Variants in RAB1A observed in about 807,000 individuals in gnomAD.
RAB1A encodes ras-related protein Rab-1A.
In RAB1A, 2 loss-of-function variants were observed where a neutral mutation model predicts 26.0. The ratio of observed to expected loss-of-function variants is 0.08; its 90% CI spans 0.03 to 0.24. The LOEUF (loss-of-function observed/expected upper bound fraction) is 0.24, where lower values mean the gene tolerates loss of function less well. RAB1A is among the 10% of genes least tolerant of loss of function. RAB1A has a pLI of 1.00. For synonymous variants in RAB1A, 84 were observed against 84.9 expected (o/e 0.99, Z 0.06); for missense variants, 100 against 247.0 (o/e 0.40, Z 3.99).
chr2:65,095,545 G>A (rs28560213), intron 3 of RAB1A, among the ~76,000 whole-genome samples: 1 of 136,028 alleles, frequency 7.4e-6, no homozygotes, highest in Admixed American at 7.8e-5. Flanking sequence ...GGTAGAGATA[G>A]AGTCTCTATG....
At chr2:65,127,106 C>G (rs1279957456) in intron 1 of RAB1A, among the ~76,000 whole-genome samples, 2 of 152,102 alleles carry the variant, frequency 1.3e-5, no homozygotes, top group Non-Finnish European at 2.9e-5. Flanking sequence ...TGTATTTGAT[C>G]CCAGAAAAAA....
chr2:65,095,715 T>C (rs1229357330), intron 3 of RAB1A, among the ~76,000 whole-genome samples: 2 of 150,572 alleles, frequency 1.3e-5, no homozygotes, highest in Admixed American at 6.6e-5. Flanking sequence ...GTAAGCTTCT[T>C]AAAAATGTTC....
At chr2:65,120,455 CAAAAAAAA>C (rs67617654) in intron 1 of RAB1A, among the ~76,000 whole-genome samples, 7 of 56,654 alleles carry the variant, frequency 1.2e-4, no homozygotes, top group Non-Finnish European at 2.3e-4. Context: ...CACCTTGTCT[CAAAAAAAA>C]AAAAAAAAAA....
At chr2:65,121,165 T>C (rs1376500409) in intron 1 of RAB1A, among the ~76,000 whole-genome samples, 1 of 148,818 alleles carries the variant, frequency 6.7e-6, no homozygotes, top group African/African-American at 2.5e-5. Flanking sequence ...GTACAGGAGG[T>C]TGAGACTGCA....
At chr2:65,129,842 TC>T in intron 1 of RAB1A, 50 bp downstream of exon 1, 28 of 1,570,422 alleles carry the variant, frequency 1.8e-5, no homozygotes, top group Non-Finnish European at 2.4e-5. Context: ...CCCTTTAAGA[TC>T]CCCCAAGCTG....
At chr2:65,122,703 G>A (rs778121643) in intron 1 of RAB1A, among the ~76,000 whole-genome samples, 12 of 152,082 alleles carry the variant, frequency 7.9e-5, no homozygotes, top group East Asian at 1.9e-4. Context: ...CTGGCCAGAC[G>A]TGGTGGCTCA....
Position 65,129,922 on chromosome 2 carries a change from G to A in RAB1A, c.-7C>T, listed in dbSNP as rs1250601628. On this transcript the variant is annotated 5_prime_UTR_variant, in exon 1 of 6. Transcript: ENST00000409784. ...CGGGATTCATGCTGGACATGTCACTGCAGCTGCCGCCGCCGCCACCGCCGC... is the reference window on the plus strand; with the variant it reads ...CGGGATTCATGCTGGACATGTCACTACAGCTGCCGCCGCCGCCACCGCCGC... 6 of 1,587,750 alleles carry A rather than the reference G, an allele frequency of 3.8e-6. No individual in the cohort carries two copies. Among genetic ancestry groups the A allele is most frequent in the Non-Finnish European group, 5.1e-6 (6 of 1,168,796 alleles).
At chr2:65,094,935 G>C (rs1669248430) in intron 3 of RAB1A, among the ~76,000 whole-genome samples, 1 of 152,152 alleles carries the variant, frequency 6.6e-6, no homozygotes, top group African/African-American at 2.4e-5. Context: ...TGAAGGGCAG[G>C]CTTGCCAATA....
At chr2:65,105,788 A>T (rs147780900) in intron 1 of RAB1A, among the ~76,000 whole-genome samples, 3 of 151,120 alleles carry the variant, frequency 2.0e-5, no homozygotes, top group African/African-American at 7.3e-5. Context: ...TTTGAGACGG[A>T]GTCTTGCTCT....
chr2:65,120,314 G>A (rs891112115), intron 1 of RAB1A, among the ~76,000 whole-genome samples: 5 of 151,944 alleles, frequency 3.3e-5, no homozygotes, highest in African/African-American at 9.7e-5. Flanking sequence ...AAAATTAGCT[G>A]GGCGTGGTGG....
intron 2 of RAB1A, among the ~76,000 whole-genome samples, chr2:65,102,245 A>C (rs1382397265): frequency 6.6e-6 from 1 of 152,134 alleles, no homozygotes; most frequent in Non-Finnish European, 1.5e-5. Context: ...TAATAGTCAA[A>C]TTTAGCAGTG....
chr2:65,089,771 C>T (rs1669126898), intron 4 of RAB1A, among the ~76,000 whole-genome samples: 2 of 149,272 alleles, frequency 1.3e-5, no homozygotes, highest in South Asian at 2.1e-4. Context: ...GGCGCGATCT[C>T]GGCTCACTGC....
chr2:65,108,768 T>C (rs972513285), intron 1 of RAB1A, among the ~76,000 whole-genome samples: 1 of 152,130 alleles, frequency 6.6e-6, no homozygotes, highest in Non-Finnish European at 1.5e-5. Context: ...ATCACATCAT[T>C]GTACTTCAGC....
At chr2:65,121,056 G>T (rs1012576189) in intron 1 of RAB1A, among the ~76,000 whole-genome samples, 2 of 151,804 alleles carry the variant, frequency 1.3e-5, no homozygotes, top group African/African-American at 4.8e-5. Context: ...AGGTGTTCGA[G>T]ACCAGCATAG....
At chr2:65,092,616 T>A (rs954403816) in intron 3 of RAB1A, among the ~76,000 whole-genome samples, 2 of 152,166 alleles carry the variant, frequency 1.3e-5, no homozygotes, top group African/African-American at 2.4e-5. Flanking sequence ...TTACAGCTGA[T>A]TAAAGTAAGC....
intron 4 of RAB1A, among the ~76,000 whole-genome samples, chr2:65,089,322 C>CCCGCCT (rs1207191656): frequency 6.6e-6 from 1 of 152,130 alleles, no homozygotes; most frequent in Non-Finnish European, 1.5e-5. Context: ...AAGCCATCCT[C>CCCGCCT]CCGCCTCCGC....
chr2:65,110,438 C>CAAA (rs1221473890), intron 1 of RAB1A, among the ~76,000 whole-genome samples: 9 of 110,036 alleles, frequency 8.2e-5, no homozygotes, highest in African/African-American at 2.4e-4. Flanking sequence ...GAGACCGTCT[C>CAAA]AAAAAAAAAA....
At chr2:65,104,352 T>C (rs892722435) in intron 2 of RAB1A, among the ~76,000 whole-genome samples, 10 of 152,218 alleles carry the variant, frequency 6.6e-5, no homozygotes, top group Non-Finnish European at 1.5e-5. Flanking sequence ...CATGATCCAC[T>C]GCGTCACCTG....
intron 1 of RAB1A, among the ~76,000 whole-genome samples, chr2:65,115,657 G>T (rs1669807193): frequency 6.6e-6 from 1 of 152,060 alleles, no homozygotes; most frequent in Non-Finnish European, 1.5e-5. Context: ...CCAATTACCA[G>T]AAATCTGAGA....
Sources: gnomAD v4.1 joint callset for allele counts (sites outside exome capture counted in the v4.1 genomes callset) on GRCh38, gnomAD v4.1.1 for gene constraint, MANE v1.5 for transcripts, NCBI Gene and HGNC (gene_info 2026-07-23, HGNC 2026-07-21) for gene names.